PCDHGA1: variants seen among roughly 807,000 people sequenced by gnomAD.
PCDHGA1 encodes the protein protocadherin gamma-A1.
A neutral mutation model predicts 58.0 loss-of-function variants in PCDHGA1; 32 were observed. The ratio of observed to expected loss-of-function variants is 0.55; its 90% confidence interval spans 0.42 to 0.74. The LOEUF (loss-of-function observed/expected upper bound fraction) is 0.74, where lower values mean the gene tolerates loss of function less well. Ranked by LOEUF, PCDHGA1 falls within the 30% of genes least tolerant of loss-of-function variation. The pLI is 0.00. For missense variants in PCDHGA1, 1,205 were observed against 1,182.3 expected (o/e 1.02, Z -0.28); for synonymous variants, 498 against 501.1 (o/e 0.99, Z 0.08).
rs200512171 is a variant in PCDHGA1, at chr5:141,418,143, T to C, written c.2422-76664T>C. ...AAGGACCGAATAGACCGTGAGCAAA[T>C]ATGCAAAGAGAGAAGAAGATGTGAG... On this transcript the variant is annotated intron_variant, in intron 1 of 3. Transcript: ENST00000517417. 2.6e-4 allele frequency: 419 copies of C among 1,613,982 alleles called. 1 individual carries two copies. In the African/African-American group the frequency reaches 5.2e-3, roughly 20 times the overall value.
chr5:141,418,509 G>A, intron 1 of PCDHGA1: 1 of 1,613,986 alleles, frequency 6.2e-7, no homozygotes. Context: ...GCCTTAGATG[G>A]TGGGGACCCT....
chr5:141,417,919 G>C, intron 1 of PCDHGA1: 1 of 1,605,944 alleles, frequency 6.2e-7, no homozygotes, highest in Non-Finnish European at 8.5e-7. Flanking sequence ...TATTTCCTTT[G>C]CTGCTGCCTT....
At chr5:141,346,051 C>A (rs2149739427) in intron 1 of PCDHGA1, 4 of 1,613,598 alleles carry the variant, frequency 2.5e-6, no homozygotes, top group South Asian at 2.2e-5. Context: ...GACATCCTGG[C>A]CGACCTGGGC....
Position 141,432,465 on chromosome 5 carries a change from C to G in PCDHGA1, c.2422-62342C>G. ...GAGATCCTGTACCCCGCCCTCCCCACGGACGGTTCCACTGGCGTGGAGCTG... is the reference window on the plus strand; with the variant it reads ...GAGATCCTGTACCCCGCCCTCCCCAGGGACGGTTCCACTGGCGTGGAGCTG... On this transcript the variant is annotated intron_variant, in intron 1 of 3. Transcript: ENST00000517417. The surrounding 1 kb of genome is among the most constrained non-coding windows in gnomAD (Gnocchi z 6.0). The G allele has an allele frequency of 6.2e-7, 1 of 1,614,222 alleles. No individual in the cohort carries two copies. Among genetic ancestry groups the G allele is most frequent in the Non-Finnish European group, 8.5e-7 (1 of 1,180,050 alleles).
chr5:141,510,400 TA>T (rs780031896), intron 3 of PCDHGA1, among the ~76,000 whole-genome samples: 12 of 151,920 alleles, frequency 7.9e-5, no homozygotes, highest in Non-Finnish European at 1.3e-4. Flanking sequence ...TGGCAAAGGC[TA>T]GGGGCATGTA....
chr5:141,393,113 G>T (rs1296597974), intron 1 of PCDHGA1: 1 of 1,613,500 alleles, frequency 6.2e-7, no homozygotes. Context: ...CTCAGAGCCC[G>T]CGGTGTCTGA....
chr5:141,493,206 C>A lies in PCDHGA1; in HGVS notation c.2422-1601C>A, dbSNP rs191090598. Among the ~76,000 whole-genome samples the A allele has an allele frequency of 2.4e-3, 368 of 152,322 alleles. 2 individuals carry two copies. Among genetic ancestry groups the A allele is most frequent in the Admixed American group, 4.5e-3 (69 of 15,296 alleles). On this transcript the variant is annotated intron_variant, in intron 1 of 3. Transcript: ENST00000517417. This position sits in a 1 kb window ranked among gnomAD's most constrained non-coding sequence, Gnocchi z 4.3. ...TATAACTCCTTTGAGAACCTCATCT[C>A]ATTTGCTCTTCCCACCATTGCTGTT...
chr5:141,395,147 G>T (rs906877951), intron 1 of PCDHGA1: 21 of 1,614,092 alleles, frequency 1.3e-5, no homozygotes, highest in Non-Finnish European at 1.8e-5. Context: ...ACGCAGACAT[G>T]CTCATCAGTC....
intron 1 of PCDHGA1, among the ~76,000 whole-genome samples, chr5:141,482,940 G>T (rs1245833250): frequency 6.6e-6 from 1 of 152,026 alleles, no homozygotes; most frequent in East Asian, 1.9e-4. Context: ...AGGTGTGGTT[G>T]TGGGTGCCTG....
intron 1 of PCDHGA1, chr5:141,433,049 C>A (rs1418118305): frequency 6.2e-7 from 1 of 1,614,110 alleles, no homozygotes; most frequent in Admixed American, 1.7e-5. Flanking sequence ...CACGGACTCG[C>A]GGAAGAGTCA....
chr5:141,341,403 A>G (rs775566952), intron 1 of PCDHGA1: 4 of 1,614,170 alleles, frequency 2.5e-6, no homozygotes, highest in Non-Finnish European at 3.4e-6. Flanking sequence ...CAGGTAATCT[A>G]TCTTTTCACA....
chr5:141,400,453 C>T (rs1329103788), intron 1 of PCDHGA1: 1 of 1,614,056 alleles, frequency 6.2e-7, no homozygotes, highest in Admixed American at 1.7e-5. Context: ...ACAAGACATA[C>T]TTTGTGGTGA....
intron 1 of PCDHGA1, chr5:141,365,824 G>T (rs745398679): frequency 6.2e-7 from 1 of 1,613,926 alleles, no homozygotes; most frequent in African/African-American, 1.3e-5. Flanking sequence ...CATTTCAGGG[G>T]GCGCCCTTGT....
intron 1 of PCDHGA1, chr5:141,341,623 T>C (rs1757073882): frequency 2.3e-6 from 2 of 866,614 alleles, no homozygotes; most frequent in Non-Finnish European, 3.4e-6. Flanking sequence ...AGTTAATAGA[T>C]AAGATTATCC....
At chr5:141,357,102 CAG>C (rs1760470254) in intron 1 of PCDHGA1, 1 of 1,613,746 alleles carries the variant, frequency 6.2e-7, no homozygotes, top group Admixed American at 1.7e-5. Context: ...CCCTGCTGGA[CAG>C]AGACGCGCTC....
chr5:141,394,321 C>G (rs11575959), intron 1 of PCDHGA1: 43,282 of 1,613,954 alleles, frequency 0.027, 850 homozygotes, highest in African/African-American at 0.092. Flanking sequence ...CCCCTGTCCT[C>G]GTATATCTCC....
chr5:141,339,059 C>A, intron 1 of PCDHGA1: 1 of 1,612,422 alleles, frequency 6.2e-7, no homozygotes, highest in Non-Finnish European at 8.5e-7. Context: ...CAGGGCCGGG[C>A]AGATTCGCTA....
At chr5:141,450,006 C>CTATTTTTTTTT (rs70988802) in intron 1 of PCDHGA1, among the ~76,000 whole-genome samples, 2 of 132,964 alleles carry the variant, frequency 1.5e-5, no homozygotes, top group African/African-American at 2.8e-5. Flanking sequence ...TGCCATGTCT[C>CTATTTTTTTTT]TTTTTTTTTT....
chr5:141,492,557 G>A (rs2154587614), intron 1 of PCDHGA1, among the ~76,000 whole-genome samples: 1 of 152,350 alleles, frequency 6.6e-6, no homozygotes, highest in East Asian at 1.9e-4. Flanking sequence ...TCGCCTGGGG[G>A]GCGGCCTGAG....
Sources: allele counts gnomAD v4.1 joint callset (sites outside exome capture counted in the v4.1 genomes callset), GRCh38; gene constraint gnomAD v4.1.1; non-coding constraint Gnocchi (gnomAD v3.1); transcripts MANE v1.5; gene names NCBI Gene and HGNC (gene_info 2026-07-23, HGNC 2026-07-21).